The following HSBP1 variants were observed in gnomAD, a reference collection of about 807,000 sequenced individuals.
HSBP1 encodes the protein heat shock factor binding protein 1.
HSBP1 carries 5 observed loss-of-function variants against 9.6 expected under a neutral mutation model. The ratio of observed to expected loss-of-function variants is 0.52; its 90% CI spans 0.27 to 1.09. The LOEUF (loss-of-function observed/expected upper bound fraction) is 1.09. Among genes scored for constraint, HSBP1 ranks in the 50% least tolerant of loss-of-function variants. The pLI, the probability that HSBP1 is intolerant of heterozygous loss-of-function variation, is 0.11. For synonymous variants in HSBP1, 42 were observed against 33.3 expected (o/e 1.26, Z -0.90); for missense variants, 121 against 96.3 (o/e 1.26, Z -1.07).
In HSBP1 at chr16:83,817,598, T is replaced by C. The variant is rs1904751041; in HGVS notation, c.*6180T>C. ...TTTGTAAACCATTGCTGTAGTTTTA[T>C]TACCTCTTACCTTGGTCTTTACAAG... On this transcript the variant is annotated 3_prime_UTR_variant, in exon 4 of 4. Transcript: ENST00000433866. 1 of 152,240 alleles carries C rather than the reference T, an allele frequency of 6.6e-6. No homozygotes were observed. Among genetic ancestry groups the C allele is most frequent in the Admixed American group, 6.5e-5 (1 of 15,290 alleles). The allele number at this position is 152,240 out of a possible 1,614,324, so 9.4% of individuals were successfully genotyped here.
In HSBP1 at chr16:83,813,366, A is replaced by G. The variant is rs116894224; in HGVS notation, c.*1948A>G. 1,397 of 152,658 alleles carry G rather than the reference A, an allele frequency of 9.2e-3. 10 individuals are homozygous for G. The highest frequency in any genetic ancestry group is 0.015 in the Non-Finnish European group (996 of 68,258). 9.5% of individuals were successfully genotyped at this position (152,658 alleles called of 1,614,324 possible). On this transcript the variant is annotated 3_prime_UTR_variant, in exon 4 of 4. Transcript: ENST00000433866. ...CTCAGCTTTAACCTGCTCACCTGCTAGTTTTCGAGGTCTCGCTCTGTTGCC... is the reference window on the plus strand; with the variant it reads ...CTCAGCTTTAACCTGCTCACCTGCTGGTTTTCGAGGTCTCGCTCTGTTGCC...
rs573805565 is a variant in HSBP1, at chr16:83,810,013, T to C, written c.*2+588T>C. ...GTGAAGACCACTGGCTAACATTAGA[T>C]AACCACTGAGTTTTTATCATTCCAG... On this transcript the variant is annotated intron_variant, in intron 3 of 3. Coordinates refer to ENST00000433866, the MANE Select transcript of HSBP1 (RefSeq NM_001537.4). 2.8e-5 allele frequency among the ~76,000 whole-genome samples: 4 copies of C among 142,392 alleles called. No individual in the cohort carries two copies. In the East Asian group the frequency reaches 7.9e-4, roughly 28 times the overall value. The allele number at this position is 142,392 out of a possible 152,430, so 93.4% of individuals were successfully genotyped here.
chr16:83,809,165 C>A, intron 2 of HSBP1, 140 bp from the exon 3 acceptor site: 1 of 624,820 alleles, frequency 1.6e-6, no homozygotes, highest in Admixed American at 2.8e-5. Context: ...TGTACTCTTA[C>A]CCACCAGCGT....
chr16:83,808,624 AG>A, intron 1 of HSBP1, 55 bp from the exon 2 acceptor site: 2 of 1,419,232 alleles, frequency 1.4e-6, no homozygotes, highest in South Asian at 1.2e-5. Flanking sequence ...TCCTGATCCC[AG>A]GAAGTTGTCT....
At chr16:83,808,586 G>T in intron 1 of HSBP1, 94 bp from the exon 2 acceptor site, 3 of 951,452 alleles carry the variant, frequency 3.2e-6, no homozygotes, top group Non-Finnish European at 4.9e-6. Context: ...GCAGAAATGG[G>T]GCTGGAACCC....
In HSBP1 at chr16:83,816,870, G is replaced by C. The variant is rs920101804; in HGVS notation, c.*5452G>C. The C allele has an allele frequency of 6.6e-6, 1 of 152,166 alleles. No individual in the cohort carries two copies. Among genetic ancestry groups the C allele is most frequent in the Non-Finnish European group, 1.5e-5 (1 of 68,048 alleles). 9.4% of individuals were successfully genotyped at this position (152,166 alleles called of 1,614,324 possible). A position where few individuals can be genotyped will look rare whatever the true frequency, so the allele number is the denominator to read the frequency against. The stretch of plus-strand genomic sequence containing the variant: ...TGGAGACATAAGAGAACAATACCAG[G>C]GTTCCATCAGAAAGGAAATCAGAAT... On this transcript the variant is annotated 3_prime_UTR_variant, in exon 4 of 4. Coordinates refer to ENST00000433866, the MANE Select transcript of HSBP1 (RefSeq NM_001537.4).
At position 83,809,440 on chromosome 16, in the gene HSBP1, AAT is replaced by A. The variant is rs1491112017; in HGVS notation, c.*2+16_*2+17del. 8.0e-7 allele frequency: 1 copy of A among 1,248,656 alleles called. No individual in the cohort carries two copies. Among genetic ancestry groups the A allele is most frequent in the Admixed American group, 2.7e-5 (1 of 37,656 alleles). The allele number at this position is 1,248,656 out of a possible 1,614,324, so 77.3% of individuals were successfully genotyped here. ...AAGAGTTGAAGGTGAGGAAGGGGGC[AAT>A]TTTTTTTTTCTTTTCTTTTCTTTTT... On this transcript the variant is annotated intron_variant, in intron 3 of 3. Coordinates refer to ENST00000433866, the MANE Select transcript of HSBP1 (RefSeq NM_001537.4).
In HSBP1 at chr16:83,817,238, A is replaced by T. The variant is rs1904741121; in HGVS notation, c.*5820A>T. On this transcript the variant is annotated 3_prime_UTR_variant, in exon 4 of 4. Coordinates refer to ENST00000433866, the MANE Select transcript of HSBP1 (RefSeq NM_001537.4). ...CATGGGATTCCGCCACGCCCGTGTCAACCCAGCTGACACGTCCAACTTGGA... is the reference window on the plus strand; with the variant it reads ...CATGGGATTCCGCCACGCCCGTGTCTACCCAGCTGACACGTCCAACTTGGA... 6.6e-6 allele frequency: 1 copy of T among 152,278 alleles called. No individual in the cohort carries two copies. The highest frequency in any genetic ancestry group is 2.4e-5 in the African/African-American group (1 of 41,480). The allele number at this position is 152,278 out of a possible 1,614,324, so 9.4% of individuals were successfully genotyped here. A position where few individuals can be genotyped will look rare whatever the true frequency, so the allele number is the denominator to read the frequency against.
At chr16:83,809,049 G>A in intron 2 of HSBP1, 1 of 551,908 alleles carries the variant, frequency 1.8e-6, no homozygotes, top group Non-Finnish European at 3.2e-6. Flanking sequence ...TGAGTGGGTT[G>A]TAGTGTTATC....
At chr16:83,808,814 A>T (rs1314881526) in intron 2 of HSBP1, 68 bp downstream of exon 2, 1 of 1,119,410 alleles carries the variant, frequency 8.9e-7, no homozygotes, top group Non-Finnish European at 1.3e-6. Flanking sequence ...AGTGGTGGGG[A>T]TAAATGAGTA....
In HSBP1 at chr16:83,814,397, G is replaced by C. The variant is rs1904671506; in HGVS notation, c.*2979G>C. 6.6e-6 allele frequency: 1 copy of C among 152,332 alleles called. No individual in the cohort carries two copies. The highest frequency in any genetic ancestry group is 2.1e-4 in the South Asian group (1 of 4,848). The allele number at this position is 152,332 out of a possible 1,614,324, so 9.4% of individuals were successfully genotyped here. ...AGTCAGGGGCACAAGGTCACAGCTGGTAATGATGACCCTGGAATGTCCTCA... is the reference window on the plus strand; with the variant it reads ...AGTCAGGGGCACAAGGTCACAGCTGCTAATGATGACCCTGGAATGTCCTCA... On this transcript the variant is annotated 3_prime_UTR_variant, in exon 4 of 4. Coordinates refer to ENST00000433866, the MANE Select transcript of HSBP1 (RefSeq NM_001537.4).
rs962274675 is a variant in HSBP1 at position 83,814,488 on chromosome 16, C to G, written c.*3070C>G. 4 of 152,518 alleles carry G rather than the reference C, an allele frequency of 2.6e-5. No individual in the cohort carries two copies. Among genetic ancestry groups the G allele is most frequent in the Non-Finnish European group, 2.9e-5 (2 of 68,368 alleles). The allele number at this position is 152,518 out of a possible 1,614,324, so 9.4% of individuals were successfully genotyped here. A position where few individuals can be genotyped will look rare whatever the true frequency, so the allele number is the denominator to read the frequency against. ...CTCACAGCTGCACACCTGCACCGCT[C>G]ACGAGCACAGCTGACCGTCTCACAG... is the stretch of plus-strand genomic sequence containing the variant. On this transcript the variant is annotated 3_prime_UTR_variant, in exon 4 of 4. Coordinates refer to ENST00000433866, the MANE Select transcript of HSBP1 (RefSeq NM_001537.4).
chr16:83,810,649 C>T (rs1904581272), intron 3 of HSBP1, among the ~76,000 whole-genome samples: 1 of 151,550 alleles, frequency 6.6e-6, no homozygotes, highest in Non-Finnish European at 1.5e-5. Flanking sequence ...CCAACCTGGC[C>T]AACATGGTGA....
Position 83,808,120 on chromosome 16 carries a change from T to C in HSBP1, c.44T>C (p.Val15Ala). The C allele has an allele frequency of 6.5e-7, 1 of 1,545,890 alleles. No homozygotes were observed. Among genetic ancestry groups the C allele is most frequent in the Non-Finnish European group, 8.7e-7 (1 of 1,144,404 alleles). The change falls in exon 1 of 4, where the codon GTG becomes GCG. Residue 15 changes from valine (V) to alanine (A), a missense_variant and splice_region_variant. Val to Ala is a moderately conservative substitution (Grantham distance 64, BLOSUM62 0). Transcript: ENST00000433866. The stretch of plus-strand genomic sequence containing the variant: ...AAGACCGTGCAGGACCTCACCTCGG[T>C]GGTAAGGGACGGCTGTGAGGGCCGG... Reference protein sequence around the residue: ...DPKTVQDLTSVVQTLLQQMQD... With the variant: ...DPKTVQDLTSAVQTLLQQMQD...
intron 2 of HSBP1, 170 bp from the exon 3 acceptor site, chr16:83,809,135 G>GGGC (rs1185535112): frequency 1.8e-6 from 1 of 571,180 alleles, no homozygotes; most frequent in Non-Finnish European, 3.1e-6. Context: ...CCGATGCGGG[G>GGGC]TAGCCATGCC....
chr16:83,808,225 G>C, intron 1 of HSBP1, 104 bp downstream of exon 1: 1 of 983,666 alleles, frequency 1.0e-6, no homozygotes. Context: ...CGTGGCGTCT[G>C]CCGAGGCCCC....
At position 83,816,397 on chromosome 16, in the gene HSBP1, C is replaced by T. The variant is rs1904721811; in HGVS notation, c.*4979C>T. 1 of 151,908 alleles carries T rather than the reference C, an allele frequency of 6.6e-6. No homozygotes were observed. The highest frequency in any genetic ancestry group is 2.1e-4 in the South Asian group (1 of 4,812). 9.4% of individuals were successfully genotyped at this position (151,908 alleles called of 1,614,324 possible). A position where few individuals can be genotyped will look rare whatever the true frequency, so the allele number is the denominator to read the frequency against. On this transcript the variant is annotated 3_prime_UTR_variant, in exon 4 of 4. Coordinates refer to ENST00000433866, the MANE Select transcript of HSBP1 (RefSeq NM_001537.4). ...CCTGGGTAACAGAGCGAGACTCCAT[C>T]TCAAAAAATAAAAAACAAAAAAATA...
chr16:83,814,290 C>G lies in HSBP1; in HGVS notation c.*2872C>G, dbSNP rs78402909. The G allele has an allele frequency of 6.6e-6, 1 of 152,216 alleles. No individual in the cohort carries two copies. Among genetic ancestry groups the G allele is most frequent in the African/African-American group, 2.4e-5 (1 of 41,446 alleles). The allele number at this position is 152,216 out of a possible 1,614,324, so 9.4% of individuals were successfully genotyped here. Reference sequence around the variant, plus strand: ...TACTGTGCTAAGCCTTTTGTTTGCACTGTTTGGCTTAATCCTCACAACAAC... The same window carrying G: ...TACTGTGCTAAGCCTTTTGTTTGCAGTGTTTGGCTTAATCCTCACAACAAC... On this transcript the variant is annotated 3_prime_UTR_variant, in exon 4 of 4. Coordinates refer to ENST00000433866, the MANE Select transcript of HSBP1 (RefSeq NM_001537.4).
rs1388317576 is a variant in HSBP1 at position 83,815,746 on chromosome 16, C to G, written c.*4328C>G. The G allele has an allele frequency of 6.6e-6, 1 of 152,286 alleles. No homozygotes were observed. The highest frequency in any genetic ancestry group is 1.9e-4 in the East Asian group (1 of 5,174). 9.4% of individuals were successfully genotyped at this position (152,286 alleles called of 1,614,324 possible). The stretch of plus-strand genomic sequence containing the variant: ...AGACACCACATACATGAACTACATA[C>G]CTATCGTGTAGATGCTGCCCTGCCT... On this transcript the variant is annotated 3_prime_UTR_variant, in exon 4 of 4. Coordinates refer to ENST00000433866, the MANE Select transcript of HSBP1 (RefSeq NM_001537.4).
Sources: gnomAD v4.1 joint callset for allele counts (sites outside exome capture counted in the v4.1 genomes callset) on GRCh38, gnomAD v4.1.1 for gene constraint, MANE v1.5 for transcripts, NCBI Gene and HGNC (gene_info 2026-07-23, HGNC 2026-07-21) for gene names.